Variants in SEMA3A observed in about 807,000 individuals in gnomAD.
SEMA3A encodes the protein semaphorin-3A.
Under a neutral mutation model 97.9 loss-of-function variants are expected in SEMA3A, and 29 were observed. That is an observed-to-expected ratio of 0.30 (90% confidence interval 0.22 to 0.40). SEMA3A has a LOEUF of 0.40. Ranked by LOEUF, SEMA3A falls within the 10% of genes least tolerant of loss-of-function variation. The probability of loss-of-function intolerance (pLI) is 1.00; values close to 1 mark genes in which losing one functional copy is unlikely to be tolerated. For missense variants in SEMA3A, 763 were observed against 951.3 expected (o/e 0.80, Z 2.60); for synonymous variants, 321 against 323.7 (o/e 0.99, Z 0.09).
intron 3 of SEMA3A, among the ~76,000 whole-genome samples, chr7:84,275,073 T>C (rs1045969367): frequency 1.3e-5 from 2 of 152,118 alleles, no homozygotes; most frequent in Admixed American, 6.6e-5. Context: ...TTTTTACATA[T>C]AATTCAGACT....
At chr7:83,975,610 G>A (rs1036697638) in intron 15 of SEMA3A, among the ~76,000 whole-genome samples, 5 of 152,036 alleles carry the variant, frequency 3.3e-5, no homozygotes, top group Middle Eastern at 3.2e-3. Flanking sequence ...TCATAATGTT[G>A]TATTGATATA....
intron 1 of SEMA3A, among the ~76,000 whole-genome samples, chr7:84,480,330 A>G (rs1806412440): frequency 6.6e-6 from 1 of 152,228 alleles, no homozygotes; most frequent in Admixed American, 6.5e-5. Context: ...GACTGAAGAG[A>G]AACACCTGGA....
intron 2 of SEMA3A, among the ~76,000 whole-genome samples, chr7:84,333,874 G>GCCATAGTACATTGTGTT (rs11276169): frequency 2.6e-5 from 4 of 151,862 alleles, no homozygotes; most frequent in Admixed American, 6.6e-5. Context: ...TTTTGAATTT[G>GCCATAGTACATTGTGTT]CCATTGCCAG....
intron 5 of SEMA3A, among the ~76,000 whole-genome samples, chr7:84,048,074 A>G (rs1202117665): frequency 1.3e-5 from 2 of 152,004 alleles, no homozygotes; most frequent in East Asian, 3.9e-4. Flanking sequence ...TTGATCTTTC[A>G]TTTTGGATTG....
At position 84,046,383 on chromosome 7, in the gene SEMA3A, C is replaced by T. The variant is rs1792350912; in HGVS notation, c.608G>A (p.Arg203Gln). 4 of 1,613,188 alleles carry T rather than the reference C, an allele frequency of 2.5e-6. No individual in the cohort carries two copies. The highest frequency in any genetic ancestry group is 1.7e-5 in the Admixed American group (1 of 59,896). ...DFMGRDFAIF[R>Q]TLGHHHPIRT... Reference sequence around the variant, plus strand: ...GATTGGGTGGTGGTGCCCAAGAGTTCGGAAGATAGCAAAGTCTCGCCCCAT... The same window carrying T: ...GATTGGGTGGTGGTGCCCAAGAGTTTGGAAGATAGCAAAGTCTCGCCCCAT... The change falls in exon 6 of 17, where the codon CGA becomes CAA. Residue 203 changes from arginine (R) to glutamine (Q), a missense_variant. Arg to Gln is a conservative substitution (Grantham distance 43). Around this residue, in one of 2 missense-constraint regions of SEMA3A, gnomAD observed 678 missense variants for 881.3 expected, o/e 0.77. Transcript: ENST00000265362.
intron 3 of SEMA3A, among the ~76,000 whole-genome samples, chr7:84,273,718 C>A (rs1800214292): frequency 6.6e-6 from 1 of 152,194 alleles, no homozygotes. Flanking sequence ...TATATACATG[C>A]AATGTAAACT....
upstream of SEMA3A, chr7:84,195,024 A>AAGAGAGAGAGAGAG (rs60880561): frequency 2.1e-5 from 3 of 140,652 alleles, no homozygotes; most frequent in African/African-American, 5.4e-5. Flanking sequence ...GAGAGAGAGA[A>AAGAGAGAGAGAGAG]AGAGAGAGAG....
intron 6 of SEMA3A, among the ~76,000 whole-genome samples, chr7:84,031,582 C>T (rs1378930599): frequency 1.3e-5 from 2 of 151,636 alleles, no homozygotes; most frequent in Non-Finnish European, 2.9e-5. Flanking sequence ...GCCTGTAATC[C>T]CAGCACTTTG....
chr7:84,001,877 C>T, intron 12 of SEMA3A, 78 bp downstream of exon 12: 1 of 943,846 alleles, frequency 1.1e-6, no homozygotes, highest in Non-Finnish European at 1.7e-6. Flanking sequence ...CTTGTCCATA[C>T]CAAGTTCAGT....
intron 2 of SEMA3A, among the ~76,000 whole-genome samples, chr7:84,329,480 T>A (rs1490024630): frequency 6.6e-6 from 1 of 152,012 alleles, no homozygotes; most frequent in Admixed American, 6.6e-5. Flanking sequence ...CTTCTCCCAA[T>A]GTGGCCCACG....
intron 3 of SEMA3A, among the ~76,000 whole-genome samples, chr7:84,219,705 A>C (rs1217008193): frequency 2.0e-5 from 3 of 152,198 alleles, no homozygotes; most frequent in Non-Finnish European, 4.4e-5. Context: ...TCAGCAACTA[A>C]AATCTGTTGT....
At chr7:84,316,179 C>A (rs900228040) in intron 2 of SEMA3A, among the ~76,000 whole-genome samples, 45 of 106,298 alleles carry the variant, frequency 4.2e-4, no homozygotes, top group East Asian at 2.0e-3. Context: ...TGTTTTCAAA[C>A]TAAACTTCAT....
chr7:84,132,242 A>T (rs1180126178), intron 2 of SEMA3A, among the ~76,000 whole-genome samples: 1 of 152,206 alleles, frequency 6.6e-6, no homozygotes, highest in African/African-American at 2.4e-5. Flanking sequence ...GAATGATTTT[A>T]AACTCAAAGG....
chr7:84,403,330 G>A (rs13228548), intron 1 of SEMA3A, among the ~76,000 whole-genome samples: 17,041 of 152,252 alleles, frequency 0.11, 1,200 homozygotes, highest in East Asian at 0.28. Context: ...AAACTGCAAG[G>A]TGGCAGCGAG....
intron 3 of SEMA3A, among the ~76,000 whole-genome samples, chr7:84,113,488 CAGA>C (rs972805525): frequency 2.0e-5 from 3 of 152,140 alleles, no homozygotes; most frequent in Non-Finnish European, 2.9e-5. Flanking sequence ...TCTAGGGAGA[CAGA>C]AGAAGAGTGT....
At chr7:84,037,278 A>G (rs1791974705) in intron 6 of SEMA3A, among the ~76,000 whole-genome samples, 1 of 152,024 alleles carries the variant, frequency 6.6e-6, no homozygotes, top group South Asian at 2.1e-4. Context: ...TTATAAATGT[A>G]TGGGAAAGCT....
intron 1 of SEMA3A, among the ~76,000 whole-genome samples, chr7:84,442,249 A>G (rs1019099017): frequency 1.8e-4 from 28 of 152,146 alleles, no homozygotes; most frequent in African/African-American, 6.3e-4. Context: ...ACCTGAGACT[A>G]GTATATTATA....
intron 1 of SEMA3A, among the ~76,000 whole-genome samples, chr7:84,402,846 G>T (rs77269457): frequency 6.6e-6 from 1 of 152,298 alleles, no homozygotes; most frequent in East Asian, 1.9e-4. Context: ...TCTCATTCAT[G>T]TCTGGGGGCT....
chr7:84,394,378 T>C (rs1420044732), intron 1 of SEMA3A, among the ~76,000 whole-genome samples: 1 of 152,098 alleles, frequency 6.6e-6, no homozygotes, highest in Non-Finnish European at 1.5e-5. Flanking sequence ...TTGCAGACTG[T>C]CATGTTGGGA....
Sources: gnomAD v4.1 joint callset for allele counts (sites outside exome capture counted in the v4.1 genomes callset) on GRCh38, gnomAD v4.1.1 for gene constraint, gnomAD v4.1.1 regional missense constraint, MANE v1.5 for transcripts, NCBI Gene and HGNC (gene_info 2026-07-23, HGNC 2026-07-21) for gene names.